ZNF398: variants seen among roughly 807,000 people sequenced by gnomAD.
The protein encoded by ZNF398 is zinc finger DNA binding protein ZER6.
A neutral mutation model predicts 41.9 loss-of-function variants in ZNF398; 18 were observed. The observed-to-expected ratio is 0.43, with a 90% CI of 0.30 to 0.64. ZNF398 has a LOEUF of 0.64. Among genes scored for constraint, ZNF398 ranks in the 30% least tolerant of loss-of-function variants. The pLI, the probability that ZNF398 is intolerant of heterozygous loss-of-function variation, is 0.14. For missense variants in ZNF398, 669 were observed against 822.8 expected, an observed-to-expected ratio of 0.81 and a Z score of 2.29; for synonymous variants, 260 against 308.8, an observed-to-expected ratio of 0.84 and a Z score of 1.66.
intron 1 of ZNF398, among the ~76,000 whole-genome samples, chr7:149,149,327 C>T (rs572561266): frequency 1.3e-5 from 2 of 152,058 alleles, no homozygotes; most frequent in Non-Finnish European, 2.9e-5. Context: ...TCTGCCTTGC[C>T]GGTTCAAGCG....
intron 2 of ZNF398, among the ~76,000 whole-genome samples, chr7:149,133,218 C>G (rs1199998053): frequency 6.6e-6 from 1 of 151,652 alleles, no homozygotes; most frequent in African/African-American, 2.4e-5. Context: ...TTGGTTCAGG[C>G]GATTCTCCTG....
At chr7:149,137,526 C>G (rs1419098163) in intron 2 of ZNF398, among the ~76,000 whole-genome samples, 1 of 152,078 alleles carries the variant, frequency 6.6e-6, no homozygotes, top group Non-Finnish European at 1.5e-5. Flanking sequence ...GGATAACATG[C>G]GTGCACCACC....
chr7:149,169,952 A>G (rs1795297748), intron 4 of ZNF398, among the ~76,000 whole-genome samples: 1 of 152,210 alleles, frequency 6.6e-6, no homozygotes, highest in Non-Finnish European at 1.5e-5. Flanking sequence ...GAAACCAGGG[A>G]CAGGCTTCCC....
At chr7:149,161,883 G>A (rs1795111259) in intron 2 of ZNF398, among the ~76,000 whole-genome samples, 1 of 151,582 alleles carries the variant, frequency 6.6e-6, no homozygotes, top group Admixed American at 6.6e-5. Flanking sequence ...TTTTGCAATT[G>A]GGATGAAGAA....
intron 1 of ZNF398, among the ~76,000 whole-genome samples, chr7:149,150,332 C>T (rs1827080506): frequency 6.6e-6 from 1 of 152,164 alleles, no homozygotes; most frequent in South Asian, 2.1e-4. Context: ...TGTACCATGG[C>T]TCACACCTGT....
At position 149,179,315 on chromosome 7, in the gene ZNF398, C is replaced by T. The variant is rs779147086; in HGVS notation, c.1443C>T (p.Arg481=). 6 of 1,613,292 alleles carry T rather than the reference C, an allele frequency of 3.7e-6. No individual in the cohort carries two copies. The highest frequency in any genetic ancestry group is 4.2e-6 in the Non-Finnish European group (5 of 1,180,000). Reference sequence around the variant, plus strand: ...ACCAGCGGGGTCATGCACAAGAGCGCCCTTTCTCCTGCCCTCAGTGTGGCA... The same window carrying T: ...ACCAGCGGGGTCATGCACAAGAGCGTCCTTTCTCCTGCCCTCAGTGTGGCA... The part of the protein sequence containing the change: ...LLHQRGHAQE[R]PFSCPQCGID... The change falls in exon 6 of 6, where the codon CGC becomes CGT. Residue 481 remains arginine, a synonymous_variant. Transcript: ENST00000475153. The surrounding 1 kb of genome is among the most constrained non-coding windows in gnomAD (Gnocchi z 6.1).
At chr7:149,178,303 A>T (rs1449141347) in intron 5 of ZNF398, among the ~76,000 whole-genome samples, 1 of 150,788 alleles carries the variant, frequency 6.6e-6, no homozygotes, top group Non-Finnish European at 1.5e-5. Flanking sequence ...AAAAAAAAAA[A>T]TTACCTGAGC....
intron 2 of ZNF398, among the ~76,000 whole-genome samples, chr7:149,129,643 G>C (rs1826559691): frequency 6.6e-6 from 1 of 152,082 alleles, no homozygotes; most frequent in African/African-American, 2.4e-5. Flanking sequence ...GCCTCCCAAA[G>C]CGCTGGGATT....
intron 1 of ZNF398, among the ~76,000 whole-genome samples, chr7:149,150,585 A>T (rs769224652): frequency 1.6e-4 from 24 of 152,088 alleles, no homozygotes; most frequent in Non-Finnish European, 3.2e-4. Context: ...GGTGACAGTG[A>T]GACCTCATCC....
chr7:149,132,794 C>T (rs918283105), intron 2 of ZNF398, among the ~76,000 whole-genome samples: 26 of 152,200 alleles, frequency 1.7e-4, no homozygotes, highest in Non-Finnish European at 5.9e-5. Flanking sequence ...AAGATGGAGC[C>T]GCCATTTTAA....
intron 5 of ZNF398, among the ~76,000 whole-genome samples, chr7:149,177,664 C>T (rs768092185): frequency 5.9e-5 from 9 of 152,108 alleles, no homozygotes; most frequent in African/African-American, 9.6e-5. Flanking sequence ...CAGCTGACCA[C>T]AGTGATGGGT....
Position 149,153,276 on chromosome 7 carries a change from A to G in ZNF398, c.25-669A>G, listed in dbSNP as rs755507610. On this transcript the variant is annotated intron_variant, in intron 1 of 5. Transcript: ENST00000475153. ...GAGGATTGCTTGAGTGAGCCAGCCT[A>G]GGCAACATAATGAGACACCAAGACC... 2.0e-5 allele frequency among the ~76,000 whole-genome samples: 3 copies of G among 152,188 alleles called. 1 individual carries two copies. The highest frequency in any genetic ancestry group is 2.0e-4 in the Admixed American group (3 of 15,274).
At chr7:149,127,214 C>A (rs1426608841) in intron 1 of ZNF398, among the ~76,000 whole-genome samples, 1 of 152,140 alleles carries the variant, frequency 6.6e-6, no homozygotes, top group Non-Finnish European at 1.5e-5. Flanking sequence ...AGAAAATCAA[C>A]CTCGCATTCT....
Position 149,182,396 on chromosome 7 carries a change from G to A in ZNF398, c.*2595G>A, listed in dbSNP as rs2129522234. 6.6e-6 allele frequency: 1 copy of A among 152,334 alleles called. No homozygotes were observed. Among genetic ancestry groups the A allele is most frequent in the Admixed American group, 6.5e-5 (1 of 15,292 alleles). 9.4% of individuals were successfully genotyped at this position (152,334 alleles called of 1,614,324 possible). On this transcript the variant is annotated 3_prime_UTR_variant, in exon 6 of 6. Coordinates refer to ENST00000475153, the MANE Select transcript of ZNF398 (RefSeq NM_170686.3). ...TAGAACTGCAGGCCAGTTCCAAAGA[G>A]TGTTTGCTTAAGATTCAAAAGTGGG...
upstream of ZNF398, among the ~76,000 whole-genome samples, chr7:149,145,101 C>T (rs767359532): frequency 6.6e-6 from 1 of 152,158 alleles, no homozygotes; most frequent in Non-Finnish European, 1.5e-5. Context: ...GTAACTTAGT[C>T]TGCTCAAGAG....
At chr7:149,178,270 C>T (rs1348062158) in intron 5 of ZNF398, among the ~76,000 whole-genome samples, 2 of 150,176 alleles carry the variant, frequency 1.3e-5, no homozygotes, top group Non-Finnish European at 3.0e-5. Flanking sequence ...CCAGCCTGGG[C>T]GACAGAGCGA....
intron 2 of ZNF398, among the ~76,000 whole-genome samples, chr7:149,156,514 A>C: frequency 6.6e-6 from 1 of 150,930 alleles, no homozygotes; most frequent in African/African-American, 2.4e-5. Context: ...CAAAAAAAAA[A>C]AAAAAAAAAA....
rs1363038506 is a variant in ZNF398, at chr7:149,179,580, T to G, written c.1708T>G (p.Ser570Ala). 6.2e-7 allele frequency: 1 copy of G among 1,614,116 alleles called. No homozygotes were observed. Among genetic ancestry groups the G allele is most frequent in the African/African-American group, 1.3e-5 (1 of 75,022 alleles). The stretch of plus-strand genomic sequence containing the variant: ...CACCGGGGAGCGGCCCTACCCCTGC[T>G]CCTACTGTGGCAGGAGCTTCCGCTA... ...IHTGERPYPCSYCGRSFRYKQ... is the reference protein window; with the variant it reads ...IHTGERPYPCAYCGRSFRYKQ... Residue 570 changes from serine to alanine, a missense_variant, in exon 6 of 6, where the codon TCC becomes GCC. By Grantham distance (99) the Ser-to-Ala change is moderately conservative. Coordinates refer to ENST00000475153, the MANE Select transcript of ZNF398 (RefSeq NM_170686.3). This position sits in a 1 kb window ranked among gnomAD's most constrained non-coding sequence, Gnocchi z 6.1.
chr7:149,145,711 A>G (rs1826923535), upstream of ZNF398, among the ~76,000 whole-genome samples: 1 of 152,112 alleles, frequency 6.6e-6, no homozygotes, highest in Admixed American at 6.6e-5. Context: ...CAACTCCATT[A>G]CCCTTACAAA....
Sources: allele counts gnomAD v4.1 joint callset (sites outside exome capture counted in the v4.1 genomes callset), GRCh38; gene constraint gnomAD v4.1.1; non-coding constraint Gnocchi (gnomAD v3.1); transcripts MANE v1.5; gene names NCBI Gene and HGNC (gene_info 2026-07-23, HGNC 2026-07-21).